CAMTA1: variants seen among roughly 807,000 people sequenced by gnomAD.
The protein encoded by CAMTA1 is calmodulin binding transcription activator 1.
In CAMTA1, 27 loss-of-function variants were observed where a neutral mutation model predicts 170.9. The observed-to-expected ratio is 0.16, with a 90% CI of 0.12 to 0.22. The LOEUF (loss-of-function observed/expected upper bound fraction) is 0.22, where lower values mean the gene tolerates loss of function less well. Ranked by LOEUF, CAMTA1 falls within the 10% of genes least tolerant of loss-of-function variation. The pLI is 1.00. For missense variants in CAMTA1, 1,619 were observed against 2,217.2 expected (o/e 0.73, Z 5.42); for synonymous variants, 833 against 891.5 (o/e 0.93, Z 1.17).
intron 11 of CAMTA1, among the ~76,000 whole-genome samples, chr1:7,709,757 T>C (rs532124481): frequency 1.3e-5 from 2 of 152,386 alleles, no homozygotes; most frequent in South Asian, 2.1e-4. Flanking sequence ...AGAAACCTTA[T>C]GTAAATTACC....
At chr1:7,623,739 C>A (rs1558018062) in intron 6 of CAMTA1, among the ~76,000 whole-genome samples, 1 of 152,214 alleles carries the variant, frequency 6.6e-6, no homozygotes, top group African/African-American at 2.4e-5. Flanking sequence ...CTCAGGTGTT[C>A]CGCCCGCCTC....
intron 5 of CAMTA1, among the ~76,000 whole-genome samples, chr1:7,322,517 A>G (rs1678585962): frequency 6.6e-6 from 1 of 152,276 alleles, no homozygotes. Flanking sequence ...CACTATGGGC[A>G]ACTGTGGCAA....
intron 11 of CAMTA1, among the ~76,000 whole-genome samples, chr1:7,714,617 G>A (rs2096595561): frequency 6.6e-6 from 1 of 152,050 alleles, no homozygotes; most frequent in Non-Finnish European, 1.5e-5. Flanking sequence ...TGTCTCCTGG[G>A]TTCAGGTGAT....
intron 3 of CAMTA1, among the ~76,000 whole-genome samples, chr1:7,036,199 A>G (rs1478069729): frequency 1.3e-5 from 2 of 152,160 alleles, no homozygotes; most frequent in Non-Finnish European, 2.9e-5. Context: ...GTGAATTTTT[A>G]TGACAGAAAA....
intron 5 of CAMTA1, among the ~76,000 whole-genome samples, chr1:7,379,537 C>T (rs1262356798): frequency 6.6e-6 from 1 of 152,156 alleles, no homozygotes; most frequent in Non-Finnish European, 1.5e-5. Flanking sequence ...TATTTCAAAC[C>T]GCTGGCAGAA....
chr1:7,510,307 G>T lies in CAMTA1; in HGVS notation c.510+42406G>T, dbSNP rs569111767. Among the ~76,000 whole-genome samples, 3 of 145,038 alleles carry T rather than the reference G, an allele frequency of 2.1e-5. No homozygotes were observed. The East Asian group carries it at 6.6e-4, about 32-fold the overall frequency. ...CCGGGAATTCTGGGTGCCCCACTCT[G>T]GGGTAGAGCCCAGAATGGCTGTTTT... On this transcript the variant is annotated intron_variant, in intron 6 of 22. Coordinates refer to ENST00000303635, the MANE Select transcript of CAMTA1 (RefSeq NM_015215.4).
intron 16 of CAMTA1, among the ~76,000 whole-genome samples, chr1:7,741,228 G>A (rs2032563): frequency 0.15 from 22,688 of 152,042 alleles, 2,118 homozygotes; most frequent in South Asian, 0.28. Context: ...TGTTCCACTC[G>A]TGATATAGAT....
At chr1:6,899,162 A>C (rs533855104) in intron 3 of CAMTA1, among the ~76,000 whole-genome samples, 59 of 152,318 alleles carry the variant, frequency 3.9e-4, no homozygotes, top group Admixed American at 1.6e-3. Context: ...TGGATGATAA[A>C]TAATCATCAC....
chr1:7,644,878 G>A (rs1317990176), intron 7 of CAMTA1, among the ~76,000 whole-genome samples: 1 of 152,232 alleles, frequency 6.6e-6, no homozygotes, highest in Non-Finnish European at 1.5e-5. Flanking sequence ...TTAGCCTGGG[G>A]TGCCCCTGTG....
Position 7,259,533 on chromosome 1 carries a change from C to T in CAMTA1, c.438+9907C>T, listed in dbSNP as rs1574265152. On this transcript the variant is annotated intron_variant, in intron 5 of 22. Coordinates refer to ENST00000303635, the MANE Select transcript of CAMTA1 (RefSeq NM_015215.4). ...CTTTAATTTGGAAAGGATTGGGACA[C>T]GCCATTCTGTTGTTGCCAGTAGGGT... Among the ~76,000 whole-genome samples, 3 of 152,210 alleles carry T rather than the reference C, an allele frequency of 2.0e-5. 1 individual carries two copies. Among genetic ancestry groups the T allele is most frequent in the South Asian group, 4.1e-4 (2 of 4,828 alleles).
At chr1:7,302,944 GC>G (rs1186320600) in intron 5 of CAMTA1, among the ~76,000 whole-genome samples, 1 of 152,210 alleles carries the variant, frequency 6.6e-6, no homozygotes, top group African/African-American at 2.4e-5. Context: ...TGTGATGAGG[GC>G]CCAAGGGGAA....
intron 5 of CAMTA1, among the ~76,000 whole-genome samples, chr1:7,310,696 C>CTTTCTTTCTTTCTT (rs756201552): frequency 2.3e-5 from 1 of 43,628 alleles, no homozygotes; most frequent in African/African-American, 1.4e-4. Flanking sequence ...CTCTCTCTCT[C>CTTTCTTTCTTTCTT]TCTCTCTTTC....
chr1:7,603,035 G>A (rs1216425139), intron 6 of CAMTA1, among the ~76,000 whole-genome samples: 1 of 152,204 alleles, frequency 6.6e-6, no homozygotes, highest in Non-Finnish European at 1.5e-5. Flanking sequence ...TGATTGCACT[G>A]TGGTCTGAGA....
chr1:7,082,755 G>A (rs1034837928), intron 3 of CAMTA1, among the ~76,000 whole-genome samples: 1 of 152,072 alleles, frequency 6.6e-6, no homozygotes, highest in Admixed American at 6.6e-5. Flanking sequence ...CTTGTCTGCT[G>A]GGCAACCTAC....
At chr1:7,029,614 C>CT (rs1557995710) in intron 3 of CAMTA1, among the ~76,000 whole-genome samples, 1 of 151,186 alleles carries the variant, frequency 6.6e-6, no homozygotes, top group Admixed American at 6.6e-5. Context: ...CTCTCTCTCT[C>CT]TTTTTTGCAT....
At position 7,680,809 on chromosome 1, in the gene CAMTA1, C is replaced by CG. The variant is rs70987361; in HGVS notation, c.2914+3085dup. ...TGAATTTGTTTGCTTGGCTAAAGGC[C>CG]GGGGGGGGGCGTGGGTCCGGGGCGC... is the stretch of plus-strand genomic sequence containing the variant. On this transcript the variant is annotated intron_variant, in intron 11 of 22. Coordinates refer to ENST00000303635, the MANE Select transcript of CAMTA1 (RefSeq NM_015215.4). The surrounding 1 kb of genome is among the most constrained non-coding windows in gnomAD (Gnocchi z 4.4). Among the ~76,000 whole-genome samples the CG allele has an allele frequency of 0.088, 8,333 of 95,020 alleles. 328 individuals carry two copies. The highest frequency in any genetic ancestry group is 0.12 in the Admixed American group (1,090 of 8,758). 62.3% of individuals were successfully genotyped at this position (95,020 alleles called of 152,430 possible).
intron 5 of CAMTA1, among the ~76,000 whole-genome samples, chr1:7,431,698 C>T (rs932773994): frequency 1.3e-5 from 2 of 152,210 alleles, no homozygotes; most frequent in Admixed American, 1.3e-4. Context: ...CAGATCAGGT[C>T]CCCTTAGGTG....
chr1:7,648,391 C>CAA (rs553719319), intron 7 of CAMTA1, among the ~76,000 whole-genome samples: 1,997 of 112,746 alleles, frequency 0.018, 44 homozygotes, highest in African/African-American at 0.061. Flanking sequence ...GACTCCACCT[C>CAA]AAAAAAAAAA....
In CAMTA1 at chr1:6,940,390, T is replaced by A. The variant is rs1300905406; in HGVS notation, c.234+115180T>A. Among the ~76,000 whole-genome samples, 12 of 152,126 alleles carry A rather than the reference T, an allele frequency of 7.9e-5. No individual in the cohort carries two copies. In the South Asian group the frequency reaches 2.5e-3, roughly 32 times the overall value. On this transcript the variant is annotated intron_variant, in intron 3 of 22. Coordinates refer to ENST00000303635, the MANE Select transcript of CAMTA1 (RefSeq NM_015215.4). ...AGGGTTCTGCTTCCCCTCACCTTTCTGCTCTACTCAGATGCTCAGTGGATT... is the reference window on the plus strand; with the variant it reads ...AGGGTTCTGCTTCCCCTCACCTTTCAGCTCTACTCAGATGCTCAGTGGATT...
Sources: allele counts gnomAD v4.1 joint callset (sites outside exome capture counted in the v4.1 genomes callset), GRCh38; gene constraint gnomAD v4.1.1; non-coding constraint Gnocchi (gnomAD v3.1); transcripts MANE v1.5; gene names NCBI Gene and HGNC (gene_info 2026-07-23, HGNC 2026-07-21).